The following MGAT5 variants were observed in gnomAD, a reference collection of about 807,000 sequenced individuals.
MGAT5 encodes alpha-1,6-mannosylglycoprotein 6-beta-N-acetylglucosaminyltransferase.
In MGAT5, 30 loss-of-function variants were observed where a neutral mutation model predicts 94.3. That is an observed-to-expected ratio of 0.32 (90% CI 0.24 to 0.43). The LOEUF is 0.43. MGAT5 is among the 20% of genes least tolerant of loss of function. The pLI is 1.00. For missense variants in MGAT5, 691 were observed against 905.5 expected, an observed-to-expected ratio of 0.76 and a Z score of 3.04; for synonymous variants, 310 against 322.9, an observed-to-expected ratio of 0.96 and a Z score of 0.43.
At chr2:134,332,912 A>C (rs944604232) in intron 4 of MGAT5, among the ~76,000 whole-genome samples, 3 of 152,216 alleles carry the variant, frequency 2.0e-5, no homozygotes, top group East Asian at 1.9e-4. Context: ...TTAGAATGGC[A>C]ATCATTAAAA....
At chr2:134,164,852 C>A (rs77297611) in intron 1 of MGAT5, among the ~76,000 whole-genome samples, 24,063 of 148,260 alleles carry the variant, frequency 0.16, 2,208 homozygotes, top group South Asian at 0.22. Flanking sequence ...AAAAAAAAAA[C>A]CAAACCAAAC....
chr2:134,278,925 G>T (rs1413283091), intron 2 of MGAT5, among the ~76,000 whole-genome samples: 1 of 152,122 alleles, frequency 6.6e-6, no homozygotes, highest in African/African-American at 2.4e-5. Flanking sequence ...CCAGAGGTTT[G>T]TGATGTCCTT....
At chr2:134,448,624 C>T (rs768504146) in intron 15 of MGAT5, 25 bp from the exon 16 acceptor site, 5 of 1,611,646 alleles carry the variant, frequency 3.1e-6, no homozygotes, top group African/African-American at 2.7e-5. Flanking sequence ...ATCACCAACA[C>T]TTGTGCCTTT....
At chr2:134,148,676 A>T (rs1687033446) in intron 1 of MGAT5, among the ~76,000 whole-genome samples, 1 of 152,088 alleles carries the variant, frequency 6.6e-6, no homozygotes, top group Non-Finnish European at 1.5e-5. Flanking sequence ...ACACATGGAC[A>T]CACTGTATGC....
At chr2:134,367,327 T>C (rs1419671612) in intron 10 of MGAT5, among the ~76,000 whole-genome samples, 1 of 152,164 alleles carries the variant, frequency 6.6e-6, no homozygotes, top group African/African-American at 2.4e-5. Flanking sequence ...AAATGGAAAA[T>C]ATAAGCCTGT....
At chr2:134,235,208 A>C (rs2105414576) in intron 1 of MGAT5, among the ~76,000 whole-genome samples, 1 of 151,938 alleles carries the variant, frequency 6.6e-6, no homozygotes, top group East Asian at 1.9e-4. Flanking sequence ...ATGCTCCCCG[A>C]CCTCATACCT....
chr2:134,372,844 C>A (rs1329489070), intron 10 of MGAT5, among the ~76,000 whole-genome samples: 1 of 152,210 alleles, frequency 6.6e-6, no homozygotes, highest in Non-Finnish European at 1.5e-5. Flanking sequence ...AGAAAACATA[C>A]AAGACTGCTG....
chr2:134,378,633 T>TG (rs1433630525), intron 10 of MGAT5, among the ~76,000 whole-genome samples: 1 of 151,360 alleles, frequency 6.6e-6, no homozygotes, highest in African/African-American at 2.4e-5. Flanking sequence ...TTTTTTTTTT[T>TG]GAGACAGAAT....
At chr2:134,446,446 G>A (rs1685779895) in intron 15 of MGAT5, among the ~76,000 whole-genome samples, 2 of 152,012 alleles carry the variant, frequency 1.3e-5, no homozygotes, top group Non-Finnish European at 2.9e-5. Flanking sequence ...CAAAAAAAAA[G>A]GTCATAAATA....
chr2:134,255,279 G>A (rs1446902833), intron 1 of MGAT5, among the ~76,000 whole-genome samples: 1 of 151,608 alleles, frequency 6.6e-6, no homozygotes, highest in East Asian at 1.9e-4. Flanking sequence ...ATCAGAAAGA[G>A]TAAAAAAATA....
chr2:134,229,068 T>C lies in MGAT5; in HGVS notation c.-142-25194T>C, dbSNP rs532445776. Among the ~76,000 whole-genome samples the C allele has an allele frequency of 3.3e-5, 5 of 152,316 alleles. No homozygotes were observed. In the South Asian group the frequency reaches 1.0e-3, roughly 32 times the overall value. On this transcript the variant is annotated intron_variant, in intron 1 of 16. Coordinates refer to the MGAT5 transcript ENST00000409645. ...TCCCAGGTTGTAGTTAATAATTGTTTATGTTAAGCTTTTCCTGTTCAAATT... is the reference window on the plus strand; with the variant it reads ...TCCCAGGTTGTAGTTAATAATTGTTCATGTTAAGCTTTTCCTGTTCAAATT...
intron 1 of MGAT5, among the ~76,000 whole-genome samples, chr2:134,138,401 A>G (rs1434440312): frequency 1.3e-5 from 2 of 152,190 alleles, no homozygotes; most frequent in East Asian, 3.9e-4. Context: ...AAAGTGTAGG[A>G]GTTAAAGTAC....
intron 1 of MGAT5, among the ~76,000 whole-genome samples, chr2:134,231,856 G>A (rs1242166951): frequency 6.6e-6 from 1 of 152,192 alleles, no homozygotes; most frequent in Non-Finnish European, 1.5e-5. Context: ...GCTGTGCCGA[G>A]TTGTCTGTCC....
intron 11 of MGAT5, among the ~76,000 whole-genome samples, chr2:134,404,598 G>A (rs1683233489): frequency 6.6e-6 from 1 of 152,110 alleles, no homozygotes; most frequent in South Asian, 2.1e-4. Flanking sequence ...AGAACTCTTA[G>A]TGGACACCCA....
chr2:134,372,503 A>G lies in MGAT5; in HGVS notation c.1380+10095A>G, dbSNP rs181973685. 5.4e-4 allele frequency among the ~76,000 whole-genome samples: 82 copies of G among 152,322 alleles called. No homozygotes were observed. The South Asian group carries it at 0.014, about 26-fold the overall frequency. Reference sequence around the variant, plus strand: ...TCGTAGCCTCTTGAAGCATGTGTCTATTTTACAGGTGATAAAGCCTCAGAG... The same window carrying G: ...TCGTAGCCTCTTGAAGCATGTGTCTGTTTTACAGGTGATAAAGCCTCAGAG... On this transcript the variant is annotated intron_variant, in intron 10 of 15. Coordinates refer to ENST00000281923, the MANE Select transcript of MGAT5 (RefSeq NM_002410.5).
chr2:134,240,854 A>G (rs1681937646), intron 1 of MGAT5, among the ~76,000 whole-genome samples: 1 of 152,236 alleles, frequency 6.6e-6, no homozygotes. Context: ...TTGTGGAGAA[A>G]TGCTTTCAAA....
At chr2:134,404,248 G>T (rs1016402495) in intron 11 of MGAT5, among the ~76,000 whole-genome samples, 30 of 152,118 alleles carry the variant, frequency 2.0e-4, no homozygotes, top group African/African-American at 7.2e-4. Context: ...CTCATCTCTG[G>T]CTCGCTTTGT....
At chr2:134,135,934 T>A (rs911283650) in intron 1 of MGAT5, among the ~76,000 whole-genome samples, 6 of 152,170 alleles carry the variant, frequency 3.9e-5, no homozygotes, top group Admixed American at 6.5e-5. Context: ...AATTAGGTTG[T>A]CACATGAGTT....
At chr2:134,357,254 C>T (rs892780249) in intron 9 of MGAT5, among the ~76,000 whole-genome samples, 1 of 152,222 alleles carries the variant, frequency 6.6e-6, no homozygotes, top group African/African-American at 2.4e-5. Context: ...CCTCATCTTA[C>T]TTTCTTGTGT....
Sources: allele counts gnomAD v4.1 joint callset (sites outside exome capture counted in the v4.1 genomes callset), GRCh38; gene constraint gnomAD v4.1.1; transcripts MANE v1.5; gene names NCBI Gene and HGNC (gene_info 2026-07-23, HGNC 2026-07-21).